PDE3B: variants seen among roughly 807,000 people sequenced by gnomAD.
PDE3B encodes cGMP-inhibited 3',5'-cyclic phosphodiesterase 3B.
PDE3B carries 66 observed loss-of-function variants against 116.8 expected under a neutral mutation model. That is an observed-to-expected ratio of 0.56 (90% CI 0.46 to 0.69). PDE3B has a LOEUF of 0.69. Among genes scored for constraint, PDE3B ranks in the 30% least tolerant of loss-of-function variants. The pLI, the probability that PDE3B is intolerant of heterozygous loss-of-function variation, is 0.00. For synonymous variants in PDE3B, 595 were observed against 533.6 expected, an observed-to-expected ratio of 1.12 and a Z score of -1.59; for missense variants, 1,384 against 1,368.1, an observed-to-expected ratio of 1.01 and a Z score of -0.18.
chr11:14,748,308 G>C (rs950828377), intron 1 of PDE3B, among the ~76,000 whole-genome samples: 1 of 152,156 alleles, frequency 6.6e-6, no homozygotes, highest in Non-Finnish European at 1.5e-5. Flanking sequence ...ATTGGCTGCA[G>C]CTGTTTTGAT....
At chr11:14,892,073 C>T in the PDE3B span, 3 of 1,611,994 alleles carry the variant, frequency 1.9e-6, no homozygotes, top group East Asian at 2.2e-5. Flanking sequence ...AATGGCAGCC[C>T]CGGCGGCCCC....
At chr11:14,704,037 T>C (rs1414126144) in intron 1 of PDE3B, among the ~76,000 whole-genome samples, 1 of 151,774 alleles carries the variant, frequency 6.6e-6, no homozygotes. Flanking sequence ...TTGATGACCA[T>C]GTGGCTTGAT....
At chr11:14,861,585 G>A (rs1555007181) in intron 14 of PDE3B, among the ~76,000 whole-genome samples, 1 of 152,158 alleles carries the variant, frequency 6.6e-6, no homozygotes, top group East Asian at 1.9e-4. Flanking sequence ...TATCTTGACT[G>A]AGCTGAATAT....
the PDE3B span, chr11:14,891,039 G>T: frequency 7.1e-6 from 7 of 985,198 alleles, no homozygotes; most frequent in Non-Finnish European, 8.4e-6. Context: ...CTTCTTCACC[G>T]CTAGCGTCAG....
intron 4 of PDE3B, among the ~76,000 whole-genome samples, chr11:14,802,658 TC>T (rs1458988138): frequency 1.3e-5 from 2 of 152,168 alleles, no homozygotes; most frequent in Non-Finnish European, 2.9e-5. Context: ...GTACTGTTAC[TC>T]TTCTTTTCCA....
chr11:14,670,606 G>A (rs1229913444), intron 1 of PDE3B, among the ~76,000 whole-genome samples: 1 of 151,982 alleles, frequency 6.6e-6, no homozygotes, highest in Non-Finnish European at 1.5e-5. Flanking sequence ...TACATACCAA[G>A]GGAAGTTTTC....
Position 14,725,309 on chromosome 11 carries a change from C to CTCTTTCTTTCTT in PDE3B, c.979-46618_979-46607dup, listed in dbSNP as rs10534250. On this transcript the variant is annotated intron_variant, in intron 1 of 15. Coordinates refer to ENST00000282096, the MANE Select transcript of PDE3B (RefSeq NM_000922.4). ...TTTCTTTTTCTTTCTTTCTTTCTTT[C>CTCTTTCTTTCTT]TCTTTCTTTCTTTCTTTCTTTTTCT... 3.1e-3 allele frequency among the ~76,000 whole-genome samples: 459 copies of CTCTTTCTTTCTT among 147,412 alleles called. 2 individuals are homozygous for CTCTTTCTTTCTT. The highest frequency in any genetic ancestry group is 0.011 in the South Asian group (49 of 4,646).
At chr11:14,804,145 T>C (rs1858849982) in intron 5 of PDE3B, 95 bp downstream of exon 5, 4 of 688,732 alleles carry the variant, frequency 5.8e-6, no homozygotes. Context: ...TAATTTTGAA[T>C]ACAATTTCAT....
intron 1 of PDE3B, among the ~76,000 whole-genome samples, chr11:14,655,780 T>C (rs55732754): frequency 6.6e-6 from 1 of 152,182 alleles, no homozygotes; most frequent in African/African-American, 2.4e-5. Flanking sequence ...TGGTAAACCA[T>C]GTGATGGTAA....
intron 2 of PDE3B, chr11:14,775,170 A>G (rs1200310821): frequency 6.6e-6 from 1 of 151,964 alleles, no homozygotes; most frequent in Non-Finnish European, 1.5e-5. Flanking sequence ...TTTATTACTC[A>G]TATTACTTAG....
chr11:14,828,492 G>A (rs543266343), intron 7 of PDE3B, among the ~76,000 whole-genome samples: 1 of 152,184 alleles, frequency 6.6e-6, no homozygotes, highest in Non-Finnish European at 1.5e-5. Flanking sequence ...ATAAAAAAGT[G>A]GGCAAAGGAT....
chr11:14,779,274 C>T (rs1049738007), intron 2 of PDE3B, among the ~76,000 whole-genome samples: 11 of 152,154 alleles, frequency 7.2e-5, no homozygotes, highest in Non-Finnish European at 1.5e-4. Flanking sequence ...ACTTCCCCAA[C>T]CTAGCAAGGA....
chr11:14,876,671 G>A (rs373218059), downstream of PDE3B, among the ~76,000 whole-genome samples: 2 of 152,092 alleles, frequency 1.3e-5, no homozygotes, highest in African/African-American at 4.8e-5. Context: ...AAATTCCCTC[G>A]CTCTCCCAGA....
the PDE3B span, among the ~76,000 whole-genome samples, chr11:14,896,799 A>T: frequency 6.6e-6 from 1 of 152,258 alleles, no homozygotes; most frequent in Non-Finnish European, 1.5e-5. Context: ...GAGACATTTA[A>T]GTCTTAATTT....
chr11:14,684,269 AAG>A (rs1311218787), intron 1 of PDE3B, among the ~76,000 whole-genome samples: 3 of 152,174 alleles, frequency 2.0e-5, no homozygotes, highest in African/African-American at 4.8e-5. Context: ...AGAAAGTACA[AAG>A]AGAGGAATTT....
chr11:14,850,051 C>T (rs1429493802), intron 12 of PDE3B, among the ~76,000 whole-genome samples: 27 of 152,114 alleles, frequency 1.8e-4, no homozygotes, highest in South Asian at 4.2e-4. Context: ...ATGTTTATTG[C>T]GGCATTATTC....
In PDE3B at chr11:14,869,588, G is replaced by A. The variant is rs1555008688; in HGVS notation, c.3267G>A (p.Leu1089=). ...EEKCKADGNK[L]QVENSSLPQA... is the part of the protein sequence containing the mutation. ...AATGTAAAGCTGATGGGAATAAACT[G>A]CAGGTGGAGAATTCCTCCTTACCTC... The change falls in exon 16 of 16, where the codon CTG becomes CTA. Residue 1089 remains leucine (L), a synonymous_variant. Coordinates refer to ENST00000282096, the MANE Select transcript of PDE3B (RefSeq NM_000922.4). The A allele has an allele frequency of 1.2e-6, 2 of 1,613,788 alleles. No individual in the cohort carries two copies. The highest frequency in any genetic ancestry group is 1.7e-6 in the Non-Finnish European group (2 of 1,179,942).
At chr11:14,864,809 T>C (rs1393743514) in intron 14 of PDE3B, among the ~76,000 whole-genome samples, 2 of 152,070 alleles carry the variant, frequency 1.3e-5, no homozygotes. Flanking sequence ...AGACACAATG[T>C]ACCAGAATCT....
chr11:14,782,690 A>C (rs950654575), intron 2 of PDE3B, among the ~76,000 whole-genome samples: 6 of 152,240 alleles, frequency 3.9e-5, no homozygotes, highest in Non-Finnish European at 7.3e-5. Flanking sequence ...CATTCAAGAC[A>C]TAGGCATGGG....
Sources: allele counts gnomAD v4.1 joint callset (sites outside exome capture counted in the v4.1 genomes callset), GRCh38; gene constraint gnomAD v4.1.1; transcripts MANE v1.5; gene names NCBI Gene and HGNC (gene_info 2026-07-23, HGNC 2026-07-21).